USP34: variants seen among roughly 807,000 people sequenced by gnomAD.
The protein encoded by USP34 is ubiquitin carboxyl-terminal hydrolase 34.
Under a neutral mutation model 460.3 loss-of-function variants are expected in USP34, and 70 were observed. The observed-to-expected ratio is 0.15, with a 90% CI of 0.13 to 0.19. The LOEUF (loss-of-function observed/expected upper bound fraction) is 0.19. Ranked by LOEUF, USP34 falls within the 10% of genes least tolerant of loss-of-function variation. The pLI is 1.00. For missense variants in USP34, 3,985 were observed against 4,236.2 expected (o/e 0.94, Z 1.65); for synonymous variants, 1,647 against 1,405.3 (o/e 1.17, Z -3.85).
intron 14 of USP34, 31 bp from the exon 15 acceptor site, chr2:61,348,511 A>G (rs372596180): frequency 4.4e-5 from 69 of 1,585,654 alleles, no homozygotes; most frequent in Non-Finnish European, 5.0e-5. Flanking sequence ...ATTTAAATAA[A>G]TATTTAAACC....
rs761767593 is a variant in USP34 at position 61,380,141 on chromosome 2, G to A, written c.1014+28C>T. ...ATAGACCAGAAAACAAATAAACGAT[G>A]ACCAAAAATAAAACAAATACAGCTT... is the stretch of plus-strand genomic sequence containing the variant. On this transcript the variant is annotated intron_variant, in intron 7 of 79. Coordinates refer to ENST00000398571, the MANE Select transcript of USP34 (RefSeq NM_014709.4). 4.5e-5 allele frequency: 72 copies of A among 1,592,642 alleles called. 4 individuals carry two copies. In the South Asian group the frequency reaches 7.7e-4, roughly 17 times the overall value.
chr2:61,213,038 T>C (rs1203731097), intron 68 of USP34, among the ~76,000 whole-genome samples: 3 of 152,200 alleles, frequency 2.0e-5, no homozygotes, highest in African/African-American at 7.2e-5. Context: ...TTCTGATTTT[T>C]TCTTTTGAGA....
chr2:61,379,865 T>C (rs2103861552), intron 7 of USP34, among the ~76,000 whole-genome samples: 1 of 152,382 alleles, frequency 6.6e-6, no homozygotes, highest in East Asian at 1.9e-4. Flanking sequence ...CTCCAATTAT[T>C]CCTCTTTCTC....
intron 33 of USP34, among the ~76,000 whole-genome samples, chr2:61,290,770 A>G (rs1159915877): frequency 6.6e-6 from 1 of 152,152 alleles, no homozygotes; most frequent in African/African-American, 2.4e-5. Flanking sequence ...TATTACATGA[A>G]AAGTATACTG....
rs1689593031 is a variant in USP34 at position 61,283,389 on chromosome 2, T to A, written c.4873+20A>T. On this transcript the variant is annotated intron_variant, in intron 36 of 79. Coordinates refer to ENST00000398571, the MANE Select transcript of USP34 (RefSeq NM_014709.4). ...ATTCAAGTTTTTATTTATTAAAAGT[T>A]AACTTTGTGGAACCCTTACCTTCAT... The A allele has an allele frequency of 6.3e-7, 1 of 1,593,978 alleles. No individual in the cohort carries two copies. Among genetic ancestry groups the A allele is most frequent in the Non-Finnish European group, 8.5e-7 (1 of 1,173,316 alleles).
chr2:61,448,698 G>T (rs1245454275), intron 1 of USP34, among the ~76,000 whole-genome samples: 4 of 152,148 alleles, frequency 2.6e-5, no homozygotes, highest in Non-Finnish European at 5.9e-5. Flanking sequence ...ATTTACAAAT[G>T]AGTTCAAGGT....
chr2:61,216,382 C>T (rs889619970), intron 67 of USP34, among the ~76,000 whole-genome samples: 14 of 146,792 alleles, frequency 9.5e-5, no homozygotes, highest in Admixed American at 3.4e-4. Context: ...GGGCGGATCA[C>T]GAGGTCAGGA....
intron 27 of USP34, among the ~76,000 whole-genome samples, chr2:61,303,256 G>A (rs1444542084): frequency 6.6e-6 from 1 of 151,886 alleles, no homozygotes; most frequent in African/African-American, 2.4e-5. Flanking sequence ...TAGTAGAGAC[G>A]GGTTTCTCCA....
At chr2:61,269,799 A>G (rs1189013832) in intron 41 of USP34, among the ~76,000 whole-genome samples, 1 of 152,052 alleles carries the variant, frequency 6.6e-6, no homozygotes. Context: ...GATACATAAT[A>G]ATTATATATA....
intron 1 of USP34, among the ~76,000 whole-genome samples, chr2:61,452,931 C>T (rs1203871031): frequency 6.7e-6 from 1 of 149,340 alleles, no homozygotes; most frequent in Non-Finnish European, 1.5e-5. Flanking sequence ...AAAAAAACAC[C>T]CACAACTTTG....
At chr2:61,303,491 T>C (rs1263375198) in intron 27 of USP34, among the ~76,000 whole-genome samples, 1 of 152,252 alleles carries the variant, frequency 6.6e-6, no homozygotes, top group Non-Finnish European at 1.5e-5. Flanking sequence ...TTTTACTTTA[T>C]TCAAATCATT....
intron 27 of USP34, among the ~76,000 whole-genome samples, chr2:61,301,685 A>T (rs1690229107): frequency 6.6e-6 from 1 of 152,198 alleles, no homozygotes; most frequent in African/African-American, 2.4e-5. Flanking sequence ...ATCTCACACT[A>T]TGTTCAGCCA....
intron 27 of USP34, among the ~76,000 whole-genome samples, chr2:61,307,043 G>C (rs1340826890): frequency 6.6e-6 from 1 of 151,934 alleles, no homozygotes; most frequent in African/African-American, 2.4e-5. Flanking sequence ...CTATTCACAA[G>C]AGCAAAGACT....
At chr2:61,469,647 T>C (rs1695888589) in intron 1 of USP34, among the ~76,000 whole-genome samples, 1 of 152,202 alleles carries the variant, frequency 6.6e-6, no homozygotes, top group African/African-American at 2.4e-5. Flanking sequence ...ATTACAAAAT[T>C]AGATAGTCTG....
At chr2:61,417,333 T>A in intron 2 of USP34, 1 of 653,864 alleles carries the variant, frequency 1.5e-6, no homozygotes, top group South Asian at 1.7e-5. Flanking sequence ...CATTGCACAC[T>A]GGACCCCCAT....
intron 53 of USP34, among the ~76,000 whole-genome samples, chr2:61,236,667 G>C (rs1440193827): frequency 6.6e-6 from 1 of 152,134 alleles, no homozygotes; most frequent in Non-Finnish European, 1.5e-5. Flanking sequence ...TATTTGAAGA[G>C]CAAGTATATA....
rs763301744 is a variant in USP34 at position 61,470,707 on chromosome 2, C to G, written c.-15G>C. 2.5e-6 allele frequency: 4 copies of G among 1,585,610 alleles called. No homozygotes were observed. Among genetic ancestry groups the G allele is most frequent in the African/African-American group, 1.4e-5 (1 of 72,196 alleles). Reference sequence around the variant, plus strand: ...TTCTCGCACATCGTTCGGCCGCCGCCCCCCCCCTCCCCCGCTTCGGATCAC... The same window carrying G: ...TTCTCGCACATCGTTCGGCCGCCGCGCCCCCCCTCCCCCGCTTCGGATCAC... On this transcript the variant is annotated 5_prime_UTR_variant, in exon 1 of 80. Transcript: ENST00000398571.
chr2:61,247,029 T>C (rs1688434060), intron 49 of USP34, among the ~76,000 whole-genome samples: 1 of 152,058 alleles, frequency 6.6e-6, no homozygotes. Flanking sequence ...CTTCCAAATA[T>C]ATATCAGTTA....
chr2:61,401,164 A>T (rs1171819803), intron 3 of USP34, among the ~76,000 whole-genome samples: 3 of 151,406 alleles, frequency 2.0e-5, no homozygotes, highest in African/African-American at 4.9e-5. Flanking sequence ...AAAAAAAAAA[A>T]AAAAATTAAA....
Sources: gnomAD v4.1 joint callset for allele counts (sites outside exome capture counted in the v4.1 genomes callset) on GRCh38, gnomAD v4.1.1 for gene constraint, MANE v1.5 for transcripts, NCBI Gene and HGNC (gene_info 2026-07-23, HGNC 2026-07-21) for gene names.